The following ACP2 variants were observed in gnomAD, a reference collection of about 807,000 sequenced individuals.
ACP2 encodes acid phosphatase 2, lysosomal.
ACP2 carries 35 observed loss-of-function variants against 54.7 expected under a neutral mutation model. The observed-to-expected ratio is 0.64, with a 90% CI of 0.49 to 0.85. The LOEUF is 0.85. Among genes scored for constraint, ACP2 ranks in the 40% least tolerant of loss-of-function variants. The probability of loss-of-function intolerance (pLI) is 0.00; values close to 1 mark genes in which losing one functional copy is unlikely to be tolerated. For missense variants in ACP2, 492 were observed against 565.0 expected (o/e 0.87, Z 1.31); for synonymous variants, 210 against 224.4 (o/e 0.94, Z 0.57).
At chr11:47,242,439 G>C (rs1009320738) in intron 10 of ACP2, among the ~76,000 whole-genome samples, 1 of 152,148 alleles carries the variant, frequency 6.6e-6, no homozygotes, top group African/African-American at 2.4e-5. Context: ...GAGAACCCAA[G>C]TGCGGGTGGA....
chr11:47,246,062 C>T (rs977410002), intron 3 of ACP2, among the ~76,000 whole-genome samples: 2 of 152,222 alleles, frequency 1.3e-5, no homozygotes, highest in African/African-American at 4.8e-5. Flanking sequence ...TGGCCTTCCC[C>T]ATCCCCCAAA....
At chr11:47,248,312 G>T in intron 1 of ACP2, 179 bp from the exon 2 acceptor site, 1 of 1,034,402 alleles carries the variant, frequency 9.7e-7, no homozygotes, top group South Asian at 1.6e-5. Context: ...TTCTAACTTA[G>T]CTAAGCAATG....
intron 7 of ACP2, among the ~76,000 whole-genome samples, chr11:47,243,950 A>G (rs1204645505): frequency 6.6e-6 from 1 of 152,014 alleles, no homozygotes; most frequent in Non-Finnish European, 1.5e-5. Context: ...CAGCCTGGCC[A>G]ACATAGTGAA....
chr11:47,247,514 T>A, intron 3 of ACP2, 127 bp downstream of exon 3: 1 of 1,084,500 alleles, frequency 9.2e-7, no homozygotes, highest in Non-Finnish European at 1.4e-6. Context: ...AGATGTCTTT[T>A]CCTGTAGTTG....
intron 10 of ACP2, among the ~76,000 whole-genome samples, chr11:47,241,656 T>A (rs1953885391): frequency 6.6e-6 from 1 of 152,150 alleles, no homozygotes; most frequent in South Asian, 2.1e-4. Context: ...GAGCACATAT[T>A]AATATTTGAA....
At position 47,239,855 on chromosome 11, in the gene ACP2, G is replaced by T; in HGVS notation, c.*261C>A. The stretch of plus-strand genomic sequence containing the variant: ...CACTGACTGCCAGTTTACATCTCAG[G>T]TGTGTAGGGAGCGTGGAGGAGGCAA... On this transcript the variant is annotated 3_prime_UTR_variant, in exon 11 of 11. Coordinates refer to ENST00000672073, the MANE Select transcript of ACP2 (RefSeq NM_001610.4). The T allele has an allele frequency of 2.1e-6, 1 of 470,946 alleles. No individual in the cohort carries two copies. 29.2% of individuals were successfully genotyped at this position (470,946 alleles called of 1,614,324 possible).
chr11:47,242,735 G>T lies in ACP2; in HGVS notation c.1126C>A (p.Pro376Thr), dbSNP rs1259136174. The T allele has an allele frequency of 2.5e-6, 4 of 1,613,318 alleles. No individual in the cohort carries two copies. The African/African-American group carries it at 4.0e-5, about 16-fold the overall frequency. ...WQQECQLASG[P>T]ADTEVIVALA... Reference sequence around the variant, plus strand: ...GGTGACAGCTCACCTGTGTCTGCAGGACCGCTTGCCAGCTGGCACTCCTGC... The same window carrying T: ...GGTGACAGCTCACCTGTGTCTGCAGTACCGCTTGCCAGCTGGCACTCCTGC... Residue 376 changes from proline (P) to threonine (T), a missense_variant, in exon 10 of 11, where the codon CCT (proline) becomes ACT (threonine). Pro to Thr is a conservative substitution (Grantham distance 38, BLOSUM62 -1). Transcript: ENST00000672073.
At chr11:47,246,042 C>T (rs577495508) in intron 3 of ACP2, among the ~76,000 whole-genome samples, 48 of 152,330 alleles carry the variant, frequency 3.2e-4, no homozygotes, top group Admixed American at 2.3e-3. Context: ...CCTCACCCTC[C>T]TCTGGCCTCT....
chr11:47,245,941 G>C, intron 3 of ACP2, 107 bp from the exon 4 acceptor site: 1 of 1,427,860 alleles, frequency 7.0e-7, no homozygotes. Flanking sequence ...TGTGTGTGTG[G>C]TGGGAAGTTT....
chr11:47,245,230 TGTTCTACC>T, intron 6 of ACP2, 67 bp downstream of exon 6: 1 of 1,478,558 alleles, frequency 6.8e-7, no homozygotes, highest in Non-Finnish European at 9.5e-7. Flanking sequence ...TCAGGCACTG[TGTTCTACC>T]GTCCTGGTGA....
At chr11:47,245,032 G>A (rs1954014531) in intron 6 of ACP2, 165 bp from the exon 7 acceptor site, 1 of 1,339,652 alleles carries the variant, frequency 7.5e-7, no homozygotes, top group African/African-American at 1.4e-5. Flanking sequence ...GGATGCTTCA[G>A]GGCACAGGAA....
intron 10 of ACP2, among the ~76,000 whole-genome samples, chr11:47,241,618 C>G (rs1245397036): frequency 1.3e-5 from 2 of 152,198 alleles, no homozygotes; most frequent in Non-Finnish European, 2.9e-5. Context: ...CAGGCAAGAG[C>G]TGACGGTAGA....
intron 3 of ACP2, 86 bp from the exon 4 acceptor site, chr11:47,245,920 G>T (rs538511053): frequency 9.7e-6 from 14 of 1,448,094 alleles, no homozygotes; most frequent in Non-Finnish European, 1.3e-5. Context: ...GTGGAGCCTT[G>T]TATGTATGTG....
rs1357631052 is a variant in ACP2, at chr11:47,244,883, G to C, written c.640-16C>G. On this transcript the variant is annotated splice_polypyrimidine_tract_variant and intron_variant, in intron 6 of 10. Coordinates refer to ENST00000672073, the MANE Select transcript of ACP2 (RefSeq NM_001610.4). ...CGTGCGTTTGCTGTGTATCGCAGCA[G>C]GCAGGTTAGCGCCCCAGGCCTAGGC... The C allele has an allele frequency of 6.3e-7, 1 of 1,591,486 alleles. No individual in the cohort carries two copies. Among genetic ancestry groups the C allele is most frequent in the African/African-American group, 1.3e-5 (1 of 74,482 alleles).
At position 47,244,689 on chromosome 11, in the gene ACP2, C is replaced by T. The variant is rs770087101; in HGVS notation, c.772+46G>A. The T allele has an allele frequency of 4.0e-6, 6 of 1,499,146 alleles. 1 individual carries two copies. The highest frequency in any genetic ancestry group is 5.4e-6 in the Non-Finnish European group (6 of 1,104,054). 92.9% of individuals were successfully genotyped at this position (1,499,146 alleles called of 1,614,324 possible). A position where few individuals can be genotyped will look rare whatever the true frequency, so the allele number is the denominator to read the frequency against. ...AGCCCCCACAGCAGATTTTTAACGC[C>T]TTAGGGTCCTGAGGAGTAGAGTGAC... On this transcript the variant is annotated intron_variant, in intron 7 of 10. Coordinates refer to ENST00000672073, the MANE Select transcript of ACP2 (RefSeq NM_001610.4).
At chr11:47,248,587 C>T (rs1954326606) in intron 1 of ACP2, 89 bp downstream of exon 1, 1 of 1,552,186 alleles carries the variant, frequency 6.4e-7, no homozygotes, top group South Asian at 1.2e-5. Flanking sequence ...CCTAAACCAG[C>T]TGTTCCTTCC....
intron 10 of ACP2, among the ~76,000 whole-genome samples, chr11:47,241,978 G>A (rs1189292885): frequency 6.6e-6 from 1 of 152,218 alleles, no homozygotes; most frequent in Non-Finnish European, 1.5e-5. Flanking sequence ...ATAAAGTCAT[G>A]AGGCTGCATG....
rs764874354 is a variant in ACP2, at chr11:47,240,133, C to T, written c.1255G>A (p.Gly419Arg). Residue 419 changes from glycine to arginine, a missense_variant, in exon 11 of 11, where the codon GGG becomes AGG. Physicochemically the swap from Gly to Arg is moderately radical, Grantham distance 125. Transcript: ENST00000672073. ...AGTGGTTGTCAGGCGTGGTCCTCCC[C>T]ATCTGCGACGTGGCGGTAGCCAGGA... The part of the protein sequence containing the change: ...QPPGYRHVAD[G>R]EDHA 2.5e-6 allele frequency: 4 copies of T among 1,613,710 alleles called. No homozygotes were observed. The highest frequency in any genetic ancestry group is 3.3e-5 in the Admixed American group (2 of 59,990).
chr11:47,241,750 T>C (rs142039552), intron 10 of ACP2, among the ~76,000 whole-genome samples: 2 of 152,176 alleles, frequency 1.3e-5, no homozygotes, highest in Non-Finnish European at 2.9e-5. Flanking sequence ...ACTGTGCCAC[T>C]AGGTGACTCG....
Sources: gnomAD v4.1 joint callset for allele counts (sites outside exome capture counted in the v4.1 genomes callset) on GRCh38, gnomAD v4.1.1 for gene constraint, MANE v1.5 for transcripts, NCBI Gene and HGNC (gene_info 2026-07-23, HGNC 2026-07-21) for gene names.